Variants in HEATR5B observed in about 807,000 individuals in gnomAD.
HEATR5B encodes the protein HEAT repeat-containing protein 5B.
HEATR5B carries 156 observed loss-of-function variants against 224.1 expected under a neutral mutation model. The ratio of observed to expected loss-of-function variants is 0.70; its 90% CI spans 0.61 to 0.80. HEATR5B has a LOEUF of 0.80. Among genes scored for constraint, HEATR5B ranks in the 30% least tolerant of loss-of-function variants. The pLI is 0.00. For synonymous variants in HEATR5B, 1,027 were observed against 893.0 expected (o/e 1.15, Z -2.68); for missense variants, 2,323 against 2,535.5 (o/e 0.92, Z 1.80).
In HEATR5B at chr2:37,005,794, T is replaced by G. The variant is rs751549591; in HGVS notation, c.4778-35A>C. On this transcript the variant is annotated intron_variant, in intron 29 of 35. Coordinates refer to ENST00000233099, the MANE Select transcript of HEATR5B (RefSeq NM_019024.3). ...ACAAAATAAAAACATGTTTTTTCAC[T>G]TATAAAACACTTTATGTTGTTTGAT... is the stretch of plus-strand genomic sequence containing the variant. The G allele has an allele frequency of 2.0e-6, 3 of 1,504,848 alleles. No individual in the cohort carries two copies. The South Asian group carries it at 3.8e-5, about 19-fold the overall frequency. The allele number at this position is 1,504,848 out of a possible 1,614,324, so 93.2% of individuals were successfully genotyped here. A position where few individuals can be genotyped will look rare whatever the true frequency, so the allele number is the denominator to read the frequency against.
At chr2:36,991,619 T>A (rs1193506205) in intron 33 of HEATR5B, among the ~76,000 whole-genome samples, 1 of 106,432 alleles carries the variant, frequency 9.4e-6, no homozygotes, top group Non-Finnish European at 2.1e-5. Context: ...TAGTACGTAA[T>A]TAGAAATAAC....
Position 37,027,907 on chromosome 2 carries a change from C to A in HEATR5B, c.3853+16G>T, listed in dbSNP as rs1411473082. 1.2e-6 allele frequency: 2 copies of A among 1,607,700 alleles called. No homozygotes were observed. Among genetic ancestry groups the A allele is most frequent in the South Asian group, 1.1e-5 (1 of 90,670 alleles). Reference sequence around the variant, plus strand: ...GTAAAAATGCTTTGGGGAAAAAGTACTGATTTTAAATTTACTTGTAGGGTT... The same window carrying A: ...GTAAAAATGCTTTGGGGAAAAAGTAATGATTTTAAATTTACTTGTAGGGTT... On this transcript the variant is annotated intron_variant, in intron 24 of 35. Transcript: ENST00000233099.
Position 37,032,832 on chromosome 2 carries a change from T to TA in HEATR5B, c.3217-60dup. 3.4e-6 allele frequency: 5 copies of TA among 1,450,724 alleles called. No homozygotes were observed. The East Asian group carries it at 1.2e-4, about 34-fold the overall frequency. 89.9% of individuals were successfully genotyped at this position (1,450,724 alleles called of 1,614,324 possible). A position where few individuals can be genotyped will look rare whatever the true frequency, so the allele number is the denominator to read the frequency against. On this transcript the variant is annotated intron_variant, in intron 21 of 35. Transcript: ENST00000233099. ...TTAAAAAGCTGTAATTCTTTAATCT[T>TA]ATTTGCCCAATGAATATATATATAC...
chr2:37,035,411 C>G (rs867919972), intron 21 of HEATR5B, among the ~76,000 whole-genome samples: 1 of 152,114 alleles, frequency 6.6e-6, no homozygotes, highest in South Asian at 2.1e-4. Flanking sequence ...CTGGACACTC[C>G]GTTGTGTTCC....
At position 36,981,089 on chromosome 2, in the gene HEATR5B, T is replaced by C. The variant is rs1665552066; in HGVS notation, c.*401A>G. On this transcript the variant is annotated 3_prime_UTR_variant, in exon 36 of 36. Coordinates refer to ENST00000233099, the MANE Select transcript of HEATR5B (RefSeq NM_019024.3). ...TTCCATTATTTTGATTACTTCAAAA[T>C]TTAAAATCTGCTTGTTTTTCAATTG... 6.4e-6 allele frequency: 1 copy of C among 157,064 alleles called. No individual in the cohort carries two copies. The highest frequency in any genetic ancestry group is 6.5e-5 in the Admixed American group (1 of 15,496). 9.7% of individuals were successfully genotyped at this position (157,064 alleles called of 1,614,324 possible). A position where few individuals can be genotyped will look rare whatever the true frequency, so the allele number is the denominator to read the frequency against.
At chr2:37,016,059 AG>A (rs1344124360) in intron 26 of HEATR5B, among the ~76,000 whole-genome samples, 13 of 151,896 alleles carry the variant, frequency 8.6e-5, no homozygotes, top group Non-Finnish European at 1.6e-4. Flanking sequence ...TCAAGAAGGA[AG>A]GGGTGGTCTC....
At chr2:37,083,174 C>T in intron 2 of HEATR5B, 115 bp downstream of exon 2, 1 of 1,177,370 alleles carries the variant, frequency 8.5e-7, no homozygotes, top group African/African-American at 1.5e-5. Flanking sequence ...GTAATACTCT[C>T]AAGTTCCATA....
rs984123308 is a variant in HEATR5B, at chr2:37,013,162, G to A, written c.4284+679C>T. ...TAACTCCAATAGTCTTCCCTTAAAC[G>A]TGGTTTCACTTTCTATGGTTTCAGT... On this transcript the variant is annotated intron_variant, in intron 27 of 35. Transcript: ENST00000233099. 3.3e-5 allele frequency among the ~76,000 whole-genome samples: 5 copies of A among 152,152 alleles called. No individual in the cohort carries two copies. The East Asian group carries it at 9.6e-4, about 29-fold the overall frequency.
intron 22 of HEATR5B, among the ~76,000 whole-genome samples, chr2:37,029,972 T>TAAATAAATAAATAAAA (rs1266352467): frequency 1.4e-5 from 2 of 146,686 alleles, no homozygotes; most frequent in South Asian, 2.2e-4. Context: ...AATAAATAAA[T>TAAATAAATAAATAAAA]AAAAATTGGG....
chr2:37,009,677 T>C (rs534509550), intron 27 of HEATR5B, among the ~76,000 whole-genome samples: 161 of 152,214 alleles, frequency 1.1e-3, no homozygotes, highest in African/African-American at 3.7e-3. Flanking sequence ...AAAAAACTGA[T>C]CTGACTTCTG....
At chr2:36,989,403 T>C (rs1666171063) in intron 34 of HEATR5B, among the ~76,000 whole-genome samples, 1 of 152,208 alleles carries the variant, frequency 6.6e-6, no homozygotes, top group South Asian at 2.1e-4. Flanking sequence ...ATTTTAATAC[T>C]GTGAAATAAG....
chr2:37,016,686 T>C (rs1179206516), intron 26 of HEATR5B, among the ~76,000 whole-genome samples: 1 of 152,198 alleles, frequency 6.6e-6, no homozygotes, highest in African/African-American at 2.4e-5. Context: ...AAATAAATGA[T>C]TAAAAAAGCT....
rs374180675 is a variant in HEATR5B, at chr2:37,007,069, G to C, written c.4758C>G (p.Asp1586Glu). The change falls in exon 29 of 36, where the codon GAC (aspartate) becomes GAG (glutamate). Residue 1586 changes from aspartate to glutamate, a missense_variant. Coordinates refer to ENST00000233099, the MANE Select transcript of HEATR5B (RefSeq NM_019024.3). Reference sequence around the variant, plus strand: ...ACCTACCTAAAATCAGATGCATTCTGTCTTTGTTAATTTCTGGCAAAGATT... The same window carrying C: ...ACCTACCTAAAATCAGATGCATTCTCTCTTTGTTAATTTCTGGCAAAGATT... Reference protein sequence around the residue: ...SAKSLPEINKDRMHLILGVSI... With the variant: ...SAKSLPEINKERMHLILGVSI... 6.2e-7 allele frequency: 1 copy of C among 1,613,968 alleles called. No homozygotes were observed.
At chr2:37,066,036 T>G (rs530419443) in intron 8 of HEATR5B, 126 bp from the exon 9 acceptor site, 1 of 735,724 alleles carries the variant, frequency 1.4e-6, no homozygotes, top group East Asian at 2.8e-5. Flanking sequence ...ATGCAGTTAT[T>G]TCTCAATAGA....
chr2:37,076,883 T>C, intron 4 of HEATR5B, 28 bp downstream of exon 4: 1 of 1,521,614 alleles, frequency 6.6e-7, no homozygotes, highest in Non-Finnish European at 9.1e-7. Flanking sequence ...CAAGCAAATA[T>C]TCAAATAATA....
chr2:36,987,407 C>G (rs1319572478), intron 35 of HEATR5B, among the ~76,000 whole-genome samples: 1 of 128,556 alleles, frequency 7.8e-6, no homozygotes, highest in Non-Finnish European at 1.6e-5. Context: ...CCAGCCTGGG[C>G]AAGACTTTGT....
intron 5 of HEATR5B, among the ~76,000 whole-genome samples, chr2:37,074,269 G>A (rs981161292): frequency 1.3e-5 from 2 of 148,154 alleles, no homozygotes; most frequent in Admixed American, 1.4e-4. Context: ...TTTGCAGTGA[G>A]TAGAGATCGC....
At chr2:37,081,489 C>T (rs766806906) in intron 2 of HEATR5B, among the ~76,000 whole-genome samples, 1 of 152,100 alleles carries the variant, frequency 6.6e-6, no homozygotes, top group Non-Finnish European at 1.5e-5. Flanking sequence ...ACCAACTGTT[C>T]CCAACAGGGA....
chr2:37,043,514 G>C lies in HEATR5B; in HGVS notation c.2697-2222C>G, dbSNP rs182052954. ...TTCACTAGAGAGTTCTTCTCCAAGGGCAATTCTGCAAGAGTTTCAATGGAA... is the reference window on the plus strand; with the variant it reads ...TTCACTAGAGAGTTCTTCTCCAAGGCCAATTCTGCAAGAGTTTCAATGGAA... On this transcript the variant is annotated intron_variant, in intron 18 of 35. Coordinates refer to ENST00000233099, the MANE Select transcript of HEATR5B (RefSeq NM_019024.3). Among the ~76,000 whole-genome samples the C allele has an allele frequency of 3.3e-4, 51 of 152,258 alleles. No individual in the cohort carries two copies. The East Asian group carries it at 6.6e-3, about 20-fold the overall frequency.
Sources: allele counts gnomAD v4.1 joint callset (sites outside exome capture counted in the v4.1 genomes callset), GRCh38; gene constraint gnomAD v4.1.1; transcripts MANE v1.5; gene names NCBI Gene and HGNC (gene_info 2026-07-23, HGNC 2026-07-21).